UGGT2: variants seen among roughly 807,000 people sequenced by gnomAD.
UGGT2 encodes UDP-glucose glycoprotein glucosyltransferase 2, also known as UDP-glucose:glycoprotein glucosyltransferase 2.
UGGT2 carries 180 observed loss-of-function variants against 192.1 expected under a neutral mutation model. The observed-to-expected ratio is 0.94, with a 90% CI of 0.83 to 1.06. The LOEUF (loss-of-function observed/expected upper bound fraction) is 1.06, where lower values mean the gene tolerates loss of function less well. Ranked by LOEUF, UGGT2 falls within the 50% of genes least tolerant of loss-of-function variation. The probability of loss-of-function intolerance (pLI) is 0.00; values close to 1 mark genes in which losing one functional copy is unlikely to be tolerated. For synonymous variants in UGGT2, 580 were observed against 591.0 expected, an observed-to-expected ratio of 0.98 and a Z score of 0.27; for missense variants, 1,849 against 1,795.7, an observed-to-expected ratio of 1.03 and a Z score of -0.54.
At chr13:95,969,432 C>A (rs2050695348) in intron 12 of UGGT2, among the ~76,000 whole-genome samples, 1 of 152,086 alleles carries the variant, frequency 6.6e-6, no homozygotes, top group Admixed American at 6.6e-5. Context: ...CTTAACACAA[C>A]ATGTAGATTT....
At chr13:95,856,125 C>T (rs764085680) in intron 34 of UGGT2, 33 bp downstream of exon 34, 18 of 1,530,052 alleles carry the variant, frequency 1.2e-5, no homozygotes, top group South Asian at 4.9e-5. Context: ...AAAATGTTTG[C>T]GTATTACTAA....
chr13:96,016,995 C>G (rs1171616375), intron 4 of UGGT2, among the ~76,000 whole-genome samples: 1 of 152,224 alleles, frequency 6.6e-6, no homozygotes, highest in African/African-American at 2.4e-5. Context: ...GATTACATGA[C>G]AGCTTTAAGA....
At chr13:95,891,727 A>G (rs2047806210) in intron 24 of UGGT2, among the ~76,000 whole-genome samples, 1 of 152,206 alleles carries the variant, frequency 6.6e-6, no homozygotes, top group Admixed American at 6.5e-5. Context: ...AATTAATTAT[A>G]CATTTTACAT....
At position 95,807,715 on chromosome 13, in the gene UGGT2, C is replaced by CT. The variant is rs200081851; in HGVS notation, c.4529-5904_4529-5903insA. Among the ~76,000 whole-genome samples the CT allele has an allele frequency of 2.6e-3, 125 of 48,062 alleles. 4 individuals carry two copies. The highest frequency in any genetic ancestry group is 4.2e-3 in the Admixed American group (28 of 6,594). 31.5% of individuals were successfully genotyped at this position (48,062 alleles called of 152,430 possible). A position where few individuals can be genotyped will look rare whatever the true frequency, so the allele number is the denominator to read the frequency against. On this transcript the variant is annotated intron_variant, in intron 38 of 38. Transcript: ENST00000376747. ...CGTATCTTGAAACCCTCAGCCCTCA[C>CT]CTTTTTTTTTTTTTTTTTTTGCCGT...
At chr13:95,829,537 G>A (rs1886436369) in intron 38 of UGGT2, among the ~76,000 whole-genome samples, 1 of 152,148 alleles carries the variant, frequency 6.6e-6, no homozygotes, top group African/African-American at 2.4e-5. Context: ...CAGACAAAGA[G>A]AGAGCCAAAT....
In UGGT2 at chr13:96,050,527, A is replaced by C. The variant is rs565108200; in HGVS notation, c.158+2628T>G. Reference sequence around the variant, plus strand: ...CATCTGCACAGCAAAAGAAACTACCATCAGAGTGAACAGGCAACCTACAGA... The same window carrying C: ...CATCTGCACAGCAAAAGAAACTACCCTCAGAGTGAACAGGCAACCTACAGA... On this transcript the variant is annotated intron_variant, in intron 1 of 38. Coordinates refer to ENST00000376747, the MANE Select transcript of UGGT2 (RefSeq NM_020121.4). Among the ~76,000 whole-genome samples the C allele has an allele frequency of 2.5e-4, 38 of 152,366 alleles. No individual in the cohort carries two copies. In the East Asian group the frequency reaches 6.2e-3, roughly 25 times the overall value.
chr13:95,924,393 C>CTTTTTTTTTTTTTTTTTTTTTTTTTTT lies in UGGT2; in HGVS notation c.2295+1260_2295+1286dup, dbSNP rs59757283. Among the ~76,000 whole-genome samples, 30 of 63,358 alleles carry CTTTTTTTTTTTTTTTTTTTTTTTTTTT rather than the reference C, an allele frequency of 4.7e-4. 1 individual carries two copies. The highest frequency in any genetic ancestry group is 1.0e-3 in the Admixed American group (4 of 3,972). 41.6% of individuals were successfully genotyped at this position (63,358 alleles called of 152,430 possible). The stretch of plus-strand genomic sequence containing the variant: ...AATAGATGTAATAGATCCCAAACAG[C>CTTTTTTTTTTTTTTTTTTTTTTTTTTT]TTTTTTTTTTTTTTTTTTTTTTTTT... On this transcript the variant is annotated intron_variant, in intron 20 of 38. Transcript: ENST00000376747.
At chr13:95,976,468 T>A (rs1168752724) in intron 10 of UGGT2, among the ~76,000 whole-genome samples, 1 of 152,206 alleles carries the variant, frequency 6.6e-6, no homozygotes, top group East Asian at 1.9e-4. Flanking sequence ...ATGGTAATTC[T>A]ATTTTTCATT....
chr13:95,916,428 G>A (rs1316796811), intron 20 of UGGT2, among the ~76,000 whole-genome samples: 1 of 152,114 alleles, frequency 6.6e-6, no homozygotes, highest in African/African-American at 2.4e-5. Flanking sequence ...AGGTAGATAA[G>A]CCCACAAAGA....
intron 2 of UGGT2, among the ~76,000 whole-genome samples, chr13:96,027,647 G>GT (rs1360152364): frequency 6.6e-6 from 1 of 152,134 alleles, no homozygotes; most frequent in Admixed American, 6.5e-5. Context: ...TTAACGACAC[G>GT]TAGCTCTACT....
chr13:95,924,392 G>GTTTTTTTTTTTTTTTTTT (rs2048946851), intron 20 of UGGT2, among the ~76,000 whole-genome samples: 1 of 43,454 alleles, frequency 2.3e-5, no homozygotes, highest in Non-Finnish European at 4.9e-5. Context: ...ATCCCAAACA[G>GTTTTTTTTTTTTTTTTTT]CTTTTTTTTT....
intron 17 of UGGT2, among the ~76,000 whole-genome samples, chr13:95,930,754 G>A (rs566587412): frequency 4.6e-5 from 7 of 152,174 alleles, no homozygotes; most frequent in East Asian, 3.9e-4. Flanking sequence ...GGACCCTCGC[G>A]GTGAGTGTTA....
intron 20 of UGGT2, among the ~76,000 whole-genome samples, chr13:95,909,890 C>A (rs1263978154): frequency 6.6e-6 from 1 of 150,732 alleles, no homozygotes; most frequent in South Asian, 2.1e-4. Context: ...AACAACGGAC[C>A]TCTCAGCAGA....
intron 37 of UGGT2, among the ~76,000 whole-genome samples, chr13:95,834,920 T>C (rs991085087): frequency 6.6e-6 from 1 of 152,176 alleles, no homozygotes; most frequent in Admixed American, 6.5e-5. Flanking sequence ...ACATAATTTG[T>C]GGGTTTTTTC....
At chr13:95,984,356 G>A (rs1047539685) in intron 9 of UGGT2, among the ~76,000 whole-genome samples, 1 of 152,018 alleles carries the variant, frequency 6.6e-6, no homozygotes, top group African/African-American at 2.4e-5. Flanking sequence ...TAGAGACAGA[G>A]TCTCACTCTT....
At chr13:95,917,557 T>C (rs1566691598) in intron 20 of UGGT2, among the ~76,000 whole-genome samples, 1 of 152,110 alleles carries the variant, frequency 6.6e-6, no homozygotes, top group African/African-American at 2.4e-5. Flanking sequence ...AATTCACACA[T>C]AACAATACTA....
At chr13:95,925,008 TACC>T (rs1405526239) in intron 20 of UGGT2, among the ~76,000 whole-genome samples, 3 of 152,234 alleles carry the variant, frequency 2.0e-5, no homozygotes, top group African/African-American at 2.4e-5. Context: ...GTTCACTGTT[TACC>T]ACCAAGTGGT....
intron 1 of UGGT2, among the ~76,000 whole-genome samples, chr13:96,032,482 G>A (rs2052868435): frequency 6.6e-6 from 1 of 151,984 alleles, no homozygotes; most frequent in Non-Finnish European, 1.5e-5. Context: ...TTTAAAAACA[G>A]GAAATCAGTG....
Position 95,860,864 on chromosome 13 carries a change from T to C in UGGT2, c.3664A>G (p.Lys1222Glu). The change falls in exon 32 of 39, where the codon AAA (lysine) becomes GAA (glutamate). Residue 1222 changes from lysine (K) to glutamate (E), a missense_variant. Transcript: ENST00000376747. ...SIKSFTVSLHKENKKEKDVLN... is the reference protein window; with the variant it reads ...SIKSFTVSLHEENKKEKDVLN... ...ACATCTTTTTCCTTTTTGTTTTCTT[T>C]ATGCAAGCTTACTGTGAAACTTGGA... 6.4e-7 allele frequency: 1 copy of C among 1,567,300 alleles called. No homozygotes were observed. Among genetic ancestry groups the C allele is most frequent in the Non-Finnish European group, 8.6e-7 (1 of 1,158,420 alleles).
Sources: gnomAD v4.1 joint callset for allele counts (sites outside exome capture counted in the v4.1 genomes callset) on GRCh38, gnomAD v4.1.1 for gene constraint, MANE v1.5 for transcripts, NCBI Gene and HGNC (gene_info 2026-07-23, HGNC 2026-07-21) for gene names.